Variants in SASH1 observed in about 807,000 individuals in gnomAD.
SASH1 encodes SAM and SH3 domain-containing protein 1.
A neutral mutation model predicts 125.2 loss-of-function variants in SASH1; 44 were observed. That is an observed-to-expected ratio of 0.35 (90% CI 0.28 to 0.45). The LOEUF is 0.45. Ranked by LOEUF, SASH1 falls within the 20% of genes least tolerant of loss-of-function variation. The pLI is 1.00. For missense variants in SASH1, 1,426 were observed against 1,614.5 expected (o/e 0.88, Z 2.00); for synonymous variants, 639 against 649.1 (o/e 0.98, Z 0.24).
At chr6:148,432,314 T>A (rs1184069268) in intron 2 of SASH1, among the ~76,000 whole-genome samples, 1 of 152,238 alleles carries the variant, frequency 6.6e-6, no homozygotes, top group Non-Finnish European at 1.5e-5. Context: ...TGGAAGTTTC[T>A]GTTCTTCTGG....
At chr6:148,299,807 C>T (rs1056837505) in intron 1 of SASH1, among the ~76,000 whole-genome samples, 1 of 152,052 alleles carries the variant, frequency 6.6e-6, no homozygotes, top group African/African-American at 2.4e-5. Flanking sequence ...AGGATGCTAT[C>T]TTTGGTTAAA....
Position 148,514,359 on chromosome 6 carries a change from G to T in SASH1, c.765G>T (p.Ser255=), listed in dbSNP as rs148440042. ...AATCGGATGATGAGACTGAGGAGTC[G>T]GTGAAGTTTAAGAGGTTACACAAGC... The part of the protein sequence containing the change: ...REQSDDETEE[S]VKFKRLHKLV... The change falls in exon 9 of 20, where the codon TCG becomes TCT. Residue 255 remains serine, a synonymous_variant. Coordinates refer to ENST00000367467, the MANE Select transcript of SASH1 (RefSeq NM_015278.5). The T allele has an allele frequency of 1.9e-6, 3 of 1,606,062 alleles. No homozygotes were observed. The highest frequency in any genetic ancestry group is 3.4e-5 in the Admixed American group (2 of 59,344).
chr6:148,343,258 A>G (rs755644039), intron 1 of SASH1, 35 bp downstream of exon 1: 146 of 1,557,052 alleles, frequency 9.4e-5, no homozygotes, highest in Non-Finnish European at 1.2e-4. Flanking sequence ...CGCAGGAAGT[A>G]CAGTTCGCAG....
intron 11 of SASH1, among the ~76,000 whole-genome samples, chr6:148,526,357 G>T (rs1020030210): frequency 6.6e-6 from 1 of 152,006 alleles, no homozygotes; most frequent in Non-Finnish European, 1.5e-5. Context: ...CCACGCGCCC[G>T]GCCTTTGGTG....
chr6:148,234,741 C>T, the SASH1 span, among the ~76,000 whole-genome samples: 5 of 151,722 alleles, frequency 3.3e-5, no homozygotes, highest in African/African-American at 4.8e-5. Flanking sequence ...ACAGGAGAAT[C>T]GCTTGAACCC....
At chr6:148,467,188 C>T (rs1205715388) in intron 4 of SASH1, among the ~76,000 whole-genome samples, 2 of 148,748 alleles carry the variant, frequency 1.3e-5, no homozygotes, top group Non-Finnish European at 3.0e-5. Flanking sequence ...CCTCTGCCTC[C>T]CAGATTCAAG....
At chr6:148,450,870 C>T (rs1462207760) in intron 4 of SASH1, among the ~76,000 whole-genome samples, 1 of 152,160 alleles carries the variant, frequency 6.6e-6, no homozygotes, top group Admixed American at 6.5e-5. Flanking sequence ...AGGTTGTCTT[C>T]CTTACCAGCT....
intron 8 of SASH1, among the ~76,000 whole-genome samples, chr6:148,497,446 C>T (rs1372106040): frequency 6.6e-6 from 1 of 152,330 alleles, no homozygotes; most frequent in Non-Finnish European, 1.5e-5. Context: ...CTTCACCCTG[C>T]GTGGGCAAGA....
intron 1 of SASH1, among the ~76,000 whole-genome samples, chr6:148,381,802 T>C (rs1442628449): frequency 6.6e-6 from 1 of 151,390 alleles, no homozygotes; most frequent in African/African-American, 2.4e-5. Context: ...CTAAGTTTTG[T>C]AATTTTTTTA....
intron 8 of SASH1, among the ~76,000 whole-genome samples, chr6:148,494,809 C>T (rs1032943052): frequency 6.6e-6 from 1 of 152,170 alleles, no homozygotes; most frequent in Non-Finnish European, 1.5e-5. Flanking sequence ...GTGTCCAAAA[C>T]TTTGGGCCAC....
upstream of SASH1, among the ~76,000 whole-genome samples, chr6:148,340,471 A>T (rs1781287423): frequency 6.7e-6 from 1 of 148,298 alleles, no homozygotes; most frequent in African/African-American, 2.5e-5. Context: ...CGACAGGGTG[A>T]CAGAGCAAGA....
intron 2 of SASH1, among the ~76,000 whole-genome samples, chr6:148,430,732 A>C (rs1410138321): frequency 6.6e-6 from 1 of 152,334 alleles, no homozygotes; most frequent in East Asian, 1.9e-4. Flanking sequence ...ATTTTGATTC[A>C]GGAGGTCTGG....
At chr6:148,496,751 T>G (rs1276440305) in intron 8 of SASH1, among the ~76,000 whole-genome samples, 1 of 152,094 alleles carries the variant, frequency 6.6e-6, no homozygotes, top group African/African-American at 2.4e-5. Flanking sequence ...CACACGCCTG[T>G]AGTCCCAGCT....
intron 1 of SASH1, among the ~76,000 whole-genome samples, chr6:148,319,336 C>T (rs1780579004): frequency 6.6e-6 from 1 of 151,342 alleles, no homozygotes. Flanking sequence ...CGCCCAGCCC[C>T]ATTTATCTTT....
the SASH1 span, among the ~76,000 whole-genome samples, chr6:148,195,095 G>A: frequency 6.6e-6 from 1 of 152,134 alleles, no homozygotes; most frequent in Non-Finnish European, 1.5e-5. Context: ...ATTTACTTTT[G>A]TTTATCCAAT....
intron 4 of SASH1, among the ~76,000 whole-genome samples, chr6:148,454,571 G>A (rs566370593): frequency 7.6e-4 from 115 of 152,250 alleles, no homozygotes; most frequent in Non-Finnish European, 1.4e-3. Flanking sequence ...AAGGGTGTGC[G>A]AAACCATAGG....
chr6:148,508,038 A>C (rs951602636), intron 8 of SASH1, among the ~76,000 whole-genome samples: 3 of 152,162 alleles, frequency 2.0e-5, no homozygotes, highest in African/African-American at 7.2e-5. Flanking sequence ...TTAAATAATC[A>C]TCTTGTGACA....
At chr6:148,289,871 T>C (rs1048180434) in intron 1 of SASH1, among the ~76,000 whole-genome samples, 1 of 142,696 alleles carries the variant, frequency 7.0e-6, no homozygotes, top group African/African-American at 2.6e-5. Flanking sequence ...GTTTTTTTTT[T>C]TTTTTTTTTT....
At chr6:148,325,540 C>T (rs1002677943) in intron 1 of SASH1, among the ~76,000 whole-genome samples, 1 of 152,106 alleles carries the variant, frequency 6.6e-6, no homozygotes, top group East Asian at 1.9e-4. Flanking sequence ...TCCCAAAGTG[C>T]TGAGATTACA....
Sources: allele counts gnomAD v4.1 joint callset (sites outside exome capture counted in the v4.1 genomes callset), GRCh38; gene constraint gnomAD v4.1.1; transcripts MANE v1.5; gene names NCBI Gene and HGNC (gene_info 2026-07-23, HGNC 2026-07-21).